SMIM14: variants seen among roughly 807,000 people sequenced by gnomAD.
SMIM14 encodes small integral membrane protein 14.
Under a neutral mutation model 12.6 loss-of-function variants are expected in SMIM14, and 5 were observed. The observed-to-expected ratio is 0.40, with a 90% CI of 0.21 to 0.83. The LOEUF (loss-of-function observed/expected upper bound fraction) is 0.83, where lower values mean the gene tolerates loss of function less well. Ranked by LOEUF, SMIM14 falls within the 40% of genes least tolerant of loss-of-function variation. SMIM14 has a pLI of 0.37. For missense variants in SMIM14, 86 were observed against 119.1 expected, an observed-to-expected ratio of 0.72 and a Z score of 1.29; for synonymous variants, 30 against 40.1, an observed-to-expected ratio of 0.75 and a Z score of 0.95.
At chr4:39,609,025 G>A (rs1056839978) in intron 1 of SMIM14, among the ~76,000 whole-genome samples, 3 of 152,144 alleles carry the variant, frequency 2.0e-5, no homozygotes, top group African/African-American at 7.2e-5. Flanking sequence ...CACCCTGGCT[G>A]GAGTGCAGTG....
At chr4:39,557,289 G>T (rs973469290) in intron 3 of SMIM14, among the ~76,000 whole-genome samples, 1 of 152,016 alleles carries the variant, frequency 6.6e-6, no homozygotes, top group Non-Finnish European at 1.5e-5. Flanking sequence ...TGGGATTACA[G>T]GTGTGAGCCA....
At chr4:39,603,185 C>T (rs1714680688) in intron 2 of SMIM14, among the ~76,000 whole-genome samples, 1 of 152,192 alleles carries the variant, frequency 6.6e-6, no homozygotes, top group South Asian at 2.1e-4. Flanking sequence ...AAGGGATACT[C>T]AACCAGTATA....
At chr4:39,619,745 T>C (rs1451572692) in intron 1 of SMIM14, among the ~76,000 whole-genome samples, 2 of 94,946 alleles carry the variant, frequency 2.1e-5, no homozygotes, top group Admixed American at 2.1e-4. Flanking sequence ...TATCAATAAA[T>C]ATAATTTATT....
At chr4:39,574,173 T>G (rs1018090007) in intron 2 of SMIM14, among the ~76,000 whole-genome samples, 3 of 151,916 alleles carry the variant, frequency 2.0e-5, no homozygotes, top group African/African-American at 7.2e-5. Context: ...CAGTAGTGCT[T>G]AGATGGTTCA....
chr4:39,550,197 C>A lies in SMIM14; in HGVS notation c.*1929G>T, dbSNP rs1189512932. ...GGGAAAAAAATCCTTACATTGATAG[C>A]AAAATATCTTCTAGCCCCCATAAAT... On this transcript the variant is annotated 3_prime_UTR_variant, in exon 5 of 5. Coordinates refer to ENST00000295958, the MANE Select transcript of SMIM14 (RefSeq NM_174921.3). 1 of 152,176 alleles carries A rather than the reference C, an allele frequency of 6.6e-6. No homozygotes were observed. Among genetic ancestry groups the A allele is most frequent in the African/African-American group, 2.4e-5 (1 of 41,442 alleles). The allele number at this position is 152,176 out of a possible 1,614,324, so 9.4% of individuals were successfully genotyped here. A position where few individuals can be genotyped will look rare whatever the true frequency, so the allele number is the denominator to read the frequency against.
At chr4:39,635,499 G>A (rs781394168) in intron 1 of SMIM14, among the ~76,000 whole-genome samples, 4 of 152,196 alleles carry the variant, frequency 2.6e-5, no homozygotes, top group Non-Finnish European at 5.9e-5. Flanking sequence ...AGGAGTTGCT[G>A]CAACAGATCA....
intron 1 of SMIM14, among the ~76,000 whole-genome samples, chr4:39,628,926 T>C (rs1715805208): frequency 6.7e-6 from 1 of 149,940 alleles, no homozygotes; most frequent in Admixed American, 6.7e-5. Context: ...AGAGACGGAG[T>C]TTTGCCATGT....
chr4:39,620,207 C>T (rs1165161644), intron 1 of SMIM14, among the ~76,000 whole-genome samples: 1 of 151,014 alleles, frequency 6.6e-6, no homozygotes, highest in African/African-American at 2.4e-5. Context: ...CGGATGGGCG[C>T]TGTGGCTCAC....
At chr4:39,636,764 G>A (rs1716107718) in intron 1 of SMIM14, among the ~76,000 whole-genome samples, 1 of 152,098 alleles carries the variant, frequency 6.6e-6, no homozygotes, top group African/African-American at 2.4e-5. Context: ...TATATGGACT[G>A]TTTTTTTCCT....
intron 1 of SMIM14, among the ~76,000 whole-genome samples, chr4:39,616,336 A>G (rs1326311518): frequency 6.6e-6 from 1 of 151,996 alleles, no homozygotes; most frequent in Admixed American, 6.6e-5. Flanking sequence ...GAGTTTCACC[A>G]TGTTGGCCAG....
chr4:39,623,512 C>CT, intron 1 of SMIM14, among the ~76,000 whole-genome samples: 1 of 152,244 alleles, frequency 6.6e-6, no homozygotes, highest in Non-Finnish European at 1.5e-5. Context: ...AATTACTTTT[C>CT]ACATAGCCAG....
chr4:39,594,066 T>G (rs965491460), intron 2 of SMIM14: 2 of 152,106 alleles, frequency 1.3e-5, no homozygotes, highest in Non-Finnish European at 2.9e-5. Context: ...AAAGTTCATA[T>G]GGAACCAAAA....
chr4:39,576,319 G>A (rs935687332), intron 2 of SMIM14, among the ~76,000 whole-genome samples: 27 of 151,758 alleles, frequency 1.8e-4, no homozygotes, highest in Non-Finnish European at 4.4e-5. Context: ...AAGGGCAGTT[G>A]AGTAGCCACT....
chr4:39,599,186 G>A lies in SMIM14; in HGVS notation c.75+5885C>T, dbSNP rs559677020. Among the ~76,000 whole-genome samples, 3 of 152,262 alleles carry A rather than the reference G, an allele frequency of 2.0e-5. No individual in the cohort carries two copies. In the South Asian group the frequency reaches 6.2e-4, roughly 32 times the overall value. On this transcript the variant is annotated intron_variant, in intron 2 of 4. Transcript: ENST00000295958. ...TAGTTTCCAGTTTTGCTGTTGAGAA[G>A]TCTAAAGTCGTTTAGATTCTTGACC...
chr4:39,596,333 G>T (rs1714361626), intron 2 of SMIM14, among the ~76,000 whole-genome samples: 1 of 152,186 alleles, frequency 6.6e-6, no homozygotes, highest in African/African-American at 2.4e-5. Context: ...GACCTCAGGT[G>T]ATCCACTTGC....
chr4:39,567,135 C>CAA (rs1560285652), intron 3 of SMIM14, among the ~76,000 whole-genome samples: 3 of 9,616 alleles, frequency 3.1e-4, no homozygotes, highest in Non-Finnish European at 7.6e-4. Flanking sequence ...AACTCCATCT[C>CAA]AAAAAAAGAA....
intron 1 of SMIM14, among the ~76,000 whole-genome samples, chr4:39,621,682 GTTTCTT>G (rs1358085028): frequency 8.6e-5 from 10 of 116,956 alleles, no homozygotes; most frequent in African/African-American, 1.1e-4. Flanking sequence ...ACAGCCAAAC[GTTTCTT>G]TTTTTTTTTT....
At chr4:39,619,877 T>TA (rs1553866681) in intron 1 of SMIM14, among the ~76,000 whole-genome samples, 8,875 of 80,020 alleles carry the variant, frequency 0.11, 450 homozygotes, top group African/African-American at 0.18. Flanking sequence ...TATATATATA[T>TA]TTTTTTTTTT....
At position 39,599,107 on chromosome 4, in the gene SMIM14, T is replaced by C. The variant is rs192422893; in HGVS notation, c.75+5964A>G. On this transcript the variant is annotated intron_variant, in intron 2 of 4. Coordinates refer to ENST00000295958, the MANE Select transcript of SMIM14 (RefSeq NM_174921.3). ...GAGAGATTGGCTGGATACAGAATGC[T>C]GGACTGGTAATGACTTCCCTTCAGG... Among the ~76,000 whole-genome samples, 34 of 152,350 alleles carry C rather than the reference T, an allele frequency of 2.2e-4. No homozygotes were observed. The East Asian group carries it at 6.6e-3, about 29-fold the overall frequency.
Sources: allele counts gnomAD v4.1 joint callset (sites outside exome capture counted in the v4.1 genomes callset), GRCh38; gene constraint gnomAD v4.1.1; transcripts MANE v1.5; gene names NCBI Gene and HGNC (gene_info 2026-07-23, HGNC 2026-07-21).